The following DLGAP2 variants were observed in gnomAD, a reference collection of about 807,000 sequenced individuals.
DLGAP2 encodes the protein DLG associated protein 2.
Under a neutral mutation model 100.3 loss-of-function variants are expected in DLGAP2, and 26 were observed. That is an observed-to-expected ratio of 0.26 (90% CI 0.19 to 0.36). DLGAP2 has a LOEUF of 0.36. DLGAP2 is among the 10% of genes least tolerant of loss of function. The pLI, the probability that DLGAP2 is intolerant of heterozygous loss-of-function variation, is 1.00. For synonymous variants in DLGAP2, 886 were observed against 630.1 expected, an observed-to-expected ratio of 1.41 and a Z score of -6.08; for missense variants, 1,858 against 1,453.2, an observed-to-expected ratio of 1.28 and a Z score of -4.53.
At chr8:1,698,478 CATG>C (rs1563070050) in intron 14 of DLGAP2, among the ~76,000 whole-genome samples, 2,101 of 151,376 alleles carry the variant, frequency 0.014, 80 homozygotes, top group African/African-American at 0.048. Flanking sequence ...CCACGTAAGC[CATG>C]CGTGGGACTA....
chr8:1,568,742 C>T (rs1429938541), intron 6 of DLGAP2, among the ~76,000 whole-genome samples: 6 of 134,830 alleles, frequency 4.5e-5, no homozygotes, highest in Admixed American at 2.9e-4. Context: ...CCGCTCTGCC[C>T]GTGGCCCCCA....
intron 13 of DLGAP2, among the ~76,000 whole-genome samples, chr8:1,693,914 A>G (rs950299102): frequency 1.3e-5 from 2 of 152,154 alleles, no homozygotes; most frequent in African/African-American, 4.8e-5. Context: ...TATTACCTTT[A>G]AAGGAATTGA....
chr8:1,593,586 A>G (rs1417511078), intron 6 of DLGAP2, among the ~76,000 whole-genome samples: 1 of 152,106 alleles, frequency 6.6e-6, no homozygotes, highest in African/African-American at 2.4e-5. Flanking sequence ...AAGAATTCCT[A>G]CCCTGGCACA....
At chr8:1,075,953 G>C (rs966336882) in intron 2 of DLGAP2, among the ~76,000 whole-genome samples, 2 of 152,120 alleles carry the variant, frequency 1.3e-5, no homozygotes, top group South Asian at 4.2e-4. Context: ...TCACAGGATG[G>C]TCTGGGCCTG....
intron 2 of DLGAP2, among the ~76,000 whole-genome samples, chr8:1,188,260 C>A (rs1452417236): frequency 7.8e-5 from 10 of 127,748 alleles, no homozygotes; most frequent in South Asian, 2.7e-4. Context: ...CGGAATCTCA[C>A]ACGCCCGGGA....
At chr8:1,143,886 T>C (rs1796562518) in intron 2 of DLGAP2, among the ~76,000 whole-genome samples, 1 of 152,220 alleles carries the variant, frequency 6.6e-6, no homozygotes, top group Admixed American at 6.5e-5. Flanking sequence ...TCTGTCTCCA[T>C]TGCTAGCTCA....
chr8:835,611 G>A (rs1047267988), intron 1 of DLGAP2, among the ~76,000 whole-genome samples: 1 of 151,998 alleles, frequency 6.6e-6, no homozygotes, highest in Admixed American at 6.6e-5. Context: ...GCTTCTCTCC[G>A]CAGTGCAGGT....
chr8:1,195,829 A>G (rs540515363), intron 2 of DLGAP2, among the ~76,000 whole-genome samples: 59 of 152,320 alleles, frequency 3.9e-4, no homozygotes, highest in African/African-American at 1.3e-3. Flanking sequence ...GAGGCCTTGC[A>G]GCGGTAGATA....
intron 12 of DLGAP2, among the ~76,000 whole-genome samples, chr8:1,688,650 CATA>C (rs1799174586): frequency 6.6e-6 from 1 of 152,086 alleles, no homozygotes; most frequent in Non-Finnish European, 1.5e-5. Context: ...TGAAAGGTTT[CATA>C]ATAAAACTTT....
At chr8:1,276,830 G>A (rs1443000503) in intron 3 of DLGAP2, among the ~76,000 whole-genome samples, 1 of 152,138 alleles carries the variant, frequency 6.6e-6, no homozygotes, top group Non-Finnish European at 1.5e-5. Flanking sequence ...TCTTGGATGG[G>A]AAGACGTTAT....
rs752217238 is a variant in DLGAP2, at chr8:1,084,543, C to G, written c.74-174308C>G. Among the ~76,000 whole-genome samples, 6 of 152,304 alleles carry G rather than the reference C, an allele frequency of 3.9e-5. No individual in the cohort carries two copies. In the East Asian group the frequency reaches 7.7e-4, roughly 20 times the overall value. ...CACCATTTCTCCCTCCCCACATCCC[C>G]CAGCCTCGGGTGACCACCCTTCTCC... On this transcript the variant is annotated intron_variant, in intron 2 of 14. Transcript: ENST00000637795.
At chr8:956,577 G>T in intron 2 of DLGAP2, among the ~76,000 whole-genome samples, 1 of 152,202 alleles carries the variant, frequency 6.6e-6, no homozygotes, top group Admixed American at 6.5e-5. Flanking sequence ...ACAGAGCCAC[G>T]CATCGTGGGC....
chr8:1,503,882 G>A lies in DLGAP2; in HGVS notation c.172+2451G>A, dbSNP rs1050014365. 4.6e-5 allele frequency among the ~76,000 whole-genome samples: 7 copies of A among 152,284 alleles called. No homozygotes were observed. The East Asian group carries it at 5.8e-4, about 13-fold the overall frequency. The stretch of plus-strand genomic sequence containing the variant: ...TGGCTTTCCCCTCTTGGGGTGGTAC[G>A]TGGGTGGAGGACTCTGGAGGGAGAG... On this transcript the variant is annotated intron_variant, in intron 4 of 14. Coordinates refer to ENST00000637795, the MANE Select transcript of DLGAP2 (RefSeq NM_001346810.2).
chr8:903,959 G>C (rs946427974), intron 1 of DLGAP2, among the ~76,000 whole-genome samples: 2 of 152,254 alleles, frequency 1.3e-5, no homozygotes, highest in African/African-American at 4.8e-5. Context: ...GAGGCATCAG[G>C]GAGGGTGAGG....
chr8:765,246 A>C (rs933740823), intron 1 of DLGAP2, among the ~76,000 whole-genome samples: 1 of 152,210 alleles, frequency 6.6e-6, no homozygotes, highest in Non-Finnish European at 1.5e-5. Context: ...AATATGAGCT[A>C]TAAGATTTTC....
chr8:1,285,601 C>T (rs1388197082), intron 3 of DLGAP2, among the ~76,000 whole-genome samples: 3 of 152,242 alleles, frequency 2.0e-5, no homozygotes, highest in Non-Finnish European at 4.4e-5. Flanking sequence ...CTGATTCATA[C>T]AATAATCACT....
intron 2 of DLGAP2, among the ~76,000 whole-genome samples, chr8:1,043,595 G>A (rs190993437): frequency 2.0e-4 from 31 of 152,092 alleles, no homozygotes; most frequent in East Asian, 7.7e-4. Flanking sequence ...GAGTGATAAC[G>A]AAAACTAGGA....
intron 6 of DLGAP2, among the ~76,000 whole-genome samples, chr8:1,624,494 C>T (rs1015487650): frequency 2.6e-5 from 4 of 151,876 alleles, no homozygotes; most frequent in Admixed American, 6.6e-5. Flanking sequence ...TGGTCTCTTA[C>T]AGAATGAGTC....
intron 3 of DLGAP2, among the ~76,000 whole-genome samples, chr8:1,304,302 G>T (rs1204728259): frequency 6.6e-6 from 1 of 152,198 alleles, no homozygotes; most frequent in Non-Finnish European, 1.5e-5. Flanking sequence ...AGGGTGGCAG[G>T]TGCAGCTGGC....
Sources: allele counts gnomAD v4.1 joint callset (sites outside exome capture counted in the v4.1 genomes callset), GRCh38; gene constraint gnomAD v4.1.1; transcripts MANE v1.5; gene names NCBI Gene and HGNC (gene_info 2026-07-23, HGNC 2026-07-21).